The following FRK variants were observed in gnomAD, a reference collection of about 807,000 sequenced individuals.
The protein encoded by FRK is tyrosine-protein kinase FRK.
A neutral mutation model predicts 56.4 loss-of-function variants in FRK; 51 were observed. The observed-to-expected ratio is 0.90, with a 90% CI of 0.72 to 1.14. The LOEUF is 1.14. Ranked by LOEUF, FRK falls within the 50% of genes most tolerant of loss-of-function variation. FRK has a pLI of 0.00. For synonymous variants in FRK, 245 were observed against 217.9 expected, an observed-to-expected ratio of 1.12 and a Z score of -1.10; for missense variants, 570 against 601.4, an observed-to-expected ratio of 0.95 and a Z score of 0.55.
rs1328100718 is a variant in FRK, at chr6:115,960,349, C to T, written c.800-3739G>A. 4.6e-5 allele frequency among the ~76,000 whole-genome samples: 7 copies of T among 151,654 alleles called. No individual in the cohort carries two copies. The South Asian group carries it at 6.3e-4, about 14-fold the overall frequency. On this transcript the variant is annotated intron_variant, in intron 4 of 7. Coordinates refer to ENST00000606080, the MANE Select transcript of FRK (RefSeq NM_002031.3). ...GCGCTTTTCAGACCGGCTTAAAAAA[C>T]GGCGCACCACTAGACTATATCCCAC...
chr6:116,023,659 T>C (rs376678361), intron 1 of FRK, among the ~76,000 whole-genome samples: 1 of 152,100 alleles, frequency 6.6e-6, no homozygotes, highest in Non-Finnish European at 1.5e-5. Flanking sequence ...CCTGAGGTAA[T>C]AGAAATGTTC....
intron 1 of FRK, among the ~76,000 whole-genome samples, chr6:116,023,948 A>T (rs1775975714): frequency 7.1e-6 from 1 of 141,842 alleles, no homozygotes; most frequent in Admixed American, 7.3e-5. Flanking sequence ...TCTTAGTTAC[A>T]CTTGAAAATA....
At chr6:116,023,725 GT>G (rs150035503) in intron 1 of FRK, among the ~76,000 whole-genome samples, 1 of 152,146 alleles carries the variant, frequency 6.6e-6, no homozygotes, top group African/African-American at 2.4e-5. Context: ...AGGAGGCGAG[GT>G]TTAGGCGTTC....
chr6:116,059,820 T>G (rs901878707), intron 1 of FRK, 148 bp downstream of exon 1: 49 of 681,258 alleles, frequency 7.2e-5, no homozygotes, highest in Non-Finnish European at 2.0e-5. Flanking sequence ...GGGGGAGGTG[T>G]GTTTCAATTA....
the FRK span, among the ~76,000 whole-genome samples, chr6:116,069,583 A>G: frequency 6.6e-6 from 1 of 152,172 alleles, no homozygotes; most frequent in South Asian, 2.1e-4. Context: ...CAGTTTAAAA[A>G]CTAAAAATCA....
At chr6:115,959,530 T>C (rs1773242273) in intron 4 of FRK, among the ~76,000 whole-genome samples, 1 of 152,172 alleles carries the variant, frequency 6.6e-6, no homozygotes, top group Non-Finnish European at 1.5e-5. Flanking sequence ...GAATAGAATG[T>C]CCTCACCTGG....
chr6:116,008,753 C>G (rs1366788320), intron 1 of FRK, among the ~76,000 whole-genome samples: 1 of 152,190 alleles, frequency 6.6e-6, no homozygotes, highest in African/African-American at 2.4e-5. Flanking sequence ...ATTTTCAGCT[C>G]TCTCTTTAAG....
chr6:116,088,039 TCTC>T, the FRK span, among the ~76,000 whole-genome samples: 1 of 152,192 alleles, frequency 6.6e-6, no homozygotes, highest in South Asian at 2.1e-4. Flanking sequence ...ACACTCAGCC[TCTC>T]CTCCTTCCAG....
At chr6:115,953,810 A>T (rs562153784) in intron 5 of FRK, among the ~76,000 whole-genome samples, 7 of 152,184 alleles carry the variant, frequency 4.6e-5, no homozygotes, top group Non-Finnish European at 5.9e-5. Context: ...GTCCCAACTT[A>T]ATCTATTTAT....
rs1771957708 is a variant in FRK at position 115,931,477 on chromosome 6, ATG to A, written c.*10935_*10936del. On this transcript the variant is annotated 3_prime_UTR_variant, in exon 8 of 8. Transcript: ENST00000606080. ...TACATATAAATTAGTCATATGTAAT[ATG>A]TGTCACATGTAACTGTACAATATAA... 6.6e-6 allele frequency: 1 copy of A among 152,198 alleles called. No homozygotes were observed. The highest frequency in any genetic ancestry group is 1.5e-5 in the Non-Finnish European group (1 of 68,006). The allele number at this position is 152,198 out of a possible 1,614,324, so 9.4% of individuals were successfully genotyped here.
At chr6:116,054,429 G>T (rs1777297594) in intron 1 of FRK, among the ~76,000 whole-genome samples, 1 of 141,708 alleles carries the variant, frequency 7.1e-6, no homozygotes. Context: ...TATTTATATA[G>T]TATATTATAT....
At chr6:115,948,479 C>G (rs1385083619) in intron 5 of FRK, among the ~76,000 whole-genome samples, 2 of 152,196 alleles carry the variant, frequency 1.3e-5, no homozygotes, top group Non-Finnish European at 2.9e-5. Flanking sequence ...CTAAGTTTTA[C>G]AAGTTTCTCC....
chr6:116,061,010 A>G (rs1777606810), upstream of FRK, among the ~76,000 whole-genome samples: 1 of 152,312 alleles, frequency 6.6e-6, no homozygotes, highest in African/African-American at 2.4e-5. Flanking sequence ...AAACTGTTAA[A>G]GCAGCCGCTA....
intron 4 of FRK, among the ~76,000 whole-genome samples, chr6:115,960,288 G>T (rs1442868060): frequency 1.3e-5 from 2 of 150,868 alleles, no homozygotes; most frequent in Admixed American, 1.3e-4. Flanking sequence ...GGTGACGGAC[G>T]CACCTGGAAA....
intron 1 of FRK, among the ~76,000 whole-genome samples, chr6:116,013,714 T>C (rs1328238996): frequency 6.6e-6 from 1 of 152,140 alleles, no homozygotes; most frequent in Non-Finnish European, 1.5e-5. Flanking sequence ...TATATGGTTA[T>C]ACAGGACACT....
At chr6:115,998,360 A>G (rs1011368534) in intron 2 of FRK, among the ~76,000 whole-genome samples, 12 of 152,144 alleles carry the variant, frequency 7.9e-5, no homozygotes, top group African/African-American at 2.7e-4. Context: ...ACAAGGTCCA[A>G]ATTCCTCAGT....
the FRK span, among the ~76,000 whole-genome samples, chr6:116,099,993 G>T: frequency 6.6e-6 from 1 of 152,202 alleles, no homozygotes; most frequent in East Asian, 1.9e-4. Context: ...GTATGTAATG[G>T]ATTAACTTTC....
At chr6:115,971,985 G>A (rs1773821090) in intron 2 of FRK, among the ~76,000 whole-genome samples, 1 of 152,208 alleles carries the variant, frequency 6.6e-6, no homozygotes, top group African/African-American at 2.4e-5. Flanking sequence ...AGAAACTGAA[G>A]CTGACTCCTC....
At chr6:116,075,464 G>A in the FRK span, among the ~76,000 whole-genome samples, 1 of 103,890 alleles carries the variant, frequency 9.6e-6, no homozygotes, top group African/African-American at 3.4e-5. Context: ...AAGAGCTGGG[G>A]GAAAAAAAAA....
Sources: gnomAD v4.1 joint callset for allele counts (sites outside exome capture counted in the v4.1 genomes callset) on GRCh38, gnomAD v4.1.1 for gene constraint, MANE v1.5 for transcripts, NCBI Gene and HGNC (gene_info 2026-07-23, HGNC 2026-07-21) for gene names.